IL1RAPL1: variants seen among roughly 807,000 people sequenced by gnomAD.
IL1RAPL1 encodes the protein interleukin 1 receptor accessory protein like 1.
In IL1RAPL1, 3 loss-of-function variants were observed where a neutral mutation model predicts 48.4. The observed-to-expected ratio is 0.06, with a 90% CI of 0.03 to 0.16. The LOEUF is 0.16. Ranked by LOEUF, IL1RAPL1 falls within the 10% of genes least tolerant of loss-of-function variation. The pLI is 1.00. For synonymous variants in IL1RAPL1, 185 were observed against 187.7 expected (o/e 0.99, Z 0.12); for missense variants, 349 against 530.6 (o/e 0.66, Z 3.36).
chrX:29,311,869 CAT>C (rs1293178595), intron 3 of IL1RAPL1, among the ~76,000 whole-genome samples: 22 of 111,717 alleles, frequency 2.0e-4, no homozygotes, highest in African/African-American at 5.9e-4. Context: ...GCCATTTACA[CAT>C]GATTCCTTAT....
At chrX:29,288,645 G>C (rs1932324244) in intron 3 of IL1RAPL1, among the ~76,000 whole-genome samples, 1 of 112,174 alleles carries the variant, frequency 8.9e-6, no homozygotes, top group South Asian at 3.7e-4. Flanking sequence ...CTTTATAATA[G>C]AATGATTTAT....
chrX:29,393,533 C>G (rs1027961408), intron 3 of IL1RAPL1, among the ~76,000 whole-genome samples: 16 of 111,635 alleles, frequency 1.4e-4, no homozygotes, highest in Non-Finnish European at 2.8e-4. Context: ...CTGCCTCTCT[C>G]TCTCTCTCTC....
chrX:29,890,125 TTC>T (rs1487435932), intron 6 of IL1RAPL1, among the ~76,000 whole-genome samples: 2 of 111,669 alleles, frequency 1.8e-5, no homozygotes, highest in Non-Finnish European at 3.8e-5. Flanking sequence ...TTTCTTTCTA[TTC>T]TCTCACTGTC....
chrX:29,858,569 A>G (rs147237273), intron 6 of IL1RAPL1, among the ~76,000 whole-genome samples: 1,868 of 110,526 alleles, frequency 0.017, 42 homozygotes, highest in African/African-American at 0.058. Context: ...TCTAACCTCA[A>G]TCTTGGACTT....
At chrX:29,595,506 T>C (rs765911646) in intron 5 of IL1RAPL1, among the ~76,000 whole-genome samples, 1 of 112,459 alleles carries the variant, frequency 8.9e-6, no homozygotes, top group South Asian at 3.7e-4. Context: ...TTGAGCATTT[T>C]TCCGTATGCT....
chrX:28,956,891 C>T (rs371593139), intron 2 of IL1RAPL1, among the ~76,000 whole-genome samples: 6,296 of 108,460 alleles, frequency 0.058, 199 homozygotes, highest in Middle Eastern at 0.21. Flanking sequence ...CCATCTGGTC[C>T]TGGACTCTTT....
chrX:29,874,144 G>A (rs770426553), intron 6 of IL1RAPL1, among the ~76,000 whole-genome samples: 1 of 110,942 alleles, frequency 9.0e-6, no homozygotes, highest in Non-Finnish European at 1.9e-5. Flanking sequence ...TTCCCCCTTG[G>A]CTAATAAAAC....
chrX:28,929,897 T>C (rs1412431156), intron 2 of IL1RAPL1, among the ~76,000 whole-genome samples: 1 of 112,263 alleles, frequency 8.9e-6, no homozygotes, highest in Admixed American at 9.4e-5. Flanking sequence ...AAAAGATATA[T>C]TTTGTTTTCA....
intron 5 of IL1RAPL1, among the ~76,000 whole-genome samples, chrX:29,622,452 C>T (rs1924490926): frequency 8.9e-6 from 1 of 111,939 alleles, no homozygotes; most frequent in Non-Finnish European, 1.9e-5. Context: ...ATATATTGTA[C>T]TGGAGGGATG....
At position 29,020,234 on chromosome X, in the gene IL1RAPL1, A is replaced by G. The variant is rs763249130; in HGVS notation, c.82+230809A>G. 3.5e-5 allele frequency among the ~76,000 whole-genome samples: 4 copies of G among 112,694 alleles called. No homozygotes were observed. In the South Asian group the frequency reaches 1.5e-3, roughly 41 times the overall value. ...ATTTTAAAATCAAGATATGAATCTA[A>G]TAAGACAAAAACAGGTATGTCCATT... is the stretch of plus-strand genomic sequence containing the variant. On this transcript the variant is annotated intron_variant, in intron 2 of 10. Coordinates refer to ENST00000378993, the MANE Select transcript of IL1RAPL1 (RefSeq NM_014271.4).
Position 29,911,064 on chromosome X carries a change from TAGC to T in IL1RAPL1, c.779-6394_779-6392del, listed in dbSNP as rs368184660. Among the ~76,000 whole-genome samples the T allele has an allele frequency of 5.3e-3, 587 of 111,657 alleles. 4 individuals are homozygous for T. Among genetic ancestry groups the T allele is most frequent in the African/African-American group, 0.018 (564 of 30,722 alleles). Reference sequence around the variant, plus strand: ...AAAACATAATGTCCACACAAAAACTTAGCAGCAGTATTCACAATAGCCAAAAAG... The same window carrying T: ...AAAACATAATGTCCACACAAAAACTTAGCAGTATTCACAATAGCCAAAAAG... On this transcript the variant is annotated intron_variant, in intron 6 of 10. Transcript: ENST00000378993.
intron 6 of IL1RAPL1, among the ~76,000 whole-genome samples, chrX:29,864,927 T>A (rs1359031014): frequency 8.9e-6 from 1 of 111,815 alleles, no homozygotes; most frequent in African/African-American, 3.2e-5. Flanking sequence ...TTCTAACCAG[T>A]GGCAATTATA....
chrX:28,630,264 C>A (rs1463646365), intron 1 of IL1RAPL1, among the ~76,000 whole-genome samples: 1 of 111,220 alleles, frequency 9.0e-6, no homozygotes, highest in African/African-American at 3.3e-5. Flanking sequence ...GCTTTCTTCC[C>A]AGATAATAAC....
chrX:28,979,568 A>G (rs949902783), intron 2 of IL1RAPL1, among the ~76,000 whole-genome samples: 2 of 112,067 alleles, frequency 1.8e-5, no homozygotes, highest in Non-Finnish European at 3.8e-5. Context: ...TAATAGAATT[A>G]TTCTCCATGG....
chrX:29,901,029 A>G (rs1932486102), intron 6 of IL1RAPL1, among the ~76,000 whole-genome samples: 1 of 112,087 alleles, frequency 8.9e-6, no homozygotes, highest in Non-Finnish European at 1.9e-5. Context: ...CAAGTCCCTT[A>G]TATGTTGTTG....
intron 1 of IL1RAPL1, among the ~76,000 whole-genome samples, chrX:28,765,644 C>A (rs1405144560): frequency 3.6e-5 from 4 of 110,890 alleles, no homozygotes; most frequent in African/African-American, 1.3e-4. Flanking sequence ...TATGTACATT[C>A]CTAAGATGAA....
At chrX:29,909,410 AAC>A (rs1932718427) in intron 6 of IL1RAPL1, among the ~76,000 whole-genome samples, 1 of 110,685 alleles carries the variant, frequency 9.0e-6, no homozygotes, top group African/African-American at 3.3e-5. Context: ...CAGCCTGAGC[AAC>A]AGAGTGAGAC....
At chrX:28,647,575 ATT>A (rs1384298907) in intron 1 of IL1RAPL1, among the ~76,000 whole-genome samples, 2 of 112,593 alleles carry the variant, frequency 1.8e-5, no homozygotes, top group African/African-American at 6.5e-5. Flanking sequence ...TAGGTTATTT[ATT>A]ATATTTTACA....
chrX:28,863,530 G>A (rs368454855), intron 2 of IL1RAPL1, among the ~76,000 whole-genome samples: 2 of 109,376 alleles, frequency 1.8e-5, no homozygotes, highest in African/African-American at 3.3e-5. Context: ...TGTGAGATAC[G>A]TAGAGCCATG....
Sources: gnomAD v4.1 joint callset for allele counts (sites outside exome capture counted in the v4.1 genomes callset) on GRCh38, gnomAD v4.1.1 for gene constraint, MANE v1.5 for transcripts, NCBI Gene and HGNC (gene_info 2026-07-23, HGNC 2026-07-21) for gene names.